Variants in RASGRP2 observed in about 807,000 individuals in gnomAD.
The protein encoded by RASGRP2 is RAS guanyl-releasing protein 2.
RASGRP2 carries 44 observed loss-of-function variants against 71.0 expected under a neutral mutation model. The observed-to-expected ratio is 0.62, with a 90% CI of 0.49 to 0.80. The LOEUF is 0.80. Ranked by LOEUF, RASGRP2 falls within the 30% of genes least tolerant of loss-of-function variation. RASGRP2 has a pLI of 0.00. For missense variants in RASGRP2, 663 were observed against 813.4 expected (o/e 0.82, Z 2.25); for synonymous variants, 350 against 330.7 (o/e 1.06, Z -0.63).
intron 12 of RASGRP2, among the ~76,000 whole-genome samples, chr11:64,732,951 CA>C (rs1253245095): frequency 2.0e-5 from 3 of 149,792 alleles, no homozygotes; most frequent in African/African-American, 7.4e-5. Flanking sequence ...AACTCCGTCT[CA>C]AAAAAAAGGA....
At chr11:64,733,488 G>C (rs959814576) in intron 12 of RASGRP2, among the ~76,000 whole-genome samples, 1 of 151,892 alleles carries the variant, frequency 6.6e-6, no homozygotes, top group East Asian at 1.9e-4. Context: ...TGAGACCGCT[G>C]CATGAAGCTG....
chr11:64,739,789 G>GA lies in RASGRP2; in HGVS notation c.542dup (p.Val182ArgfsTer85). ...TGTCCACAGTGCAGCCATGAGTCAC[G>GA]AAACTGTGATAGTCCTGAAACTGGG... is the stretch of plus-strand genomic sequence containing the variant. On this transcript the variant is annotated frameshift_variant, in exon 7 of 17. Coordinates refer to ENST00000394432, the MANE Select transcript of RASGRP2 (RefSeq NM_001098671.2). LOFTEE classifies it high-confidence loss of function. This position sits in a 1 kb window ranked among gnomAD's most constrained non-coding sequence, Gnocchi z 4.2. The GA allele has an allele frequency of 6.2e-7, 1 of 1,613,902 alleles. No individual in the cohort carries two copies. The highest frequency in any genetic ancestry group is 8.5e-7 in the Non-Finnish European group (1 of 1,179,942).
intron 15 of RASGRP2, 95 bp downstream of exon 15, chr11:64,728,768 T>G: frequency 7.8e-7 from 1 of 1,280,162 alleles, no homozygotes; most frequent in Non-Finnish European, 1.1e-6. Flanking sequence ...AAAAAGAGAA[T>G]TATGCACTTT....
At chr11:64,731,408 G>A (rs920751205) in intron 12 of RASGRP2, among the ~76,000 whole-genome samples, 1 of 151,570 alleles carries the variant, frequency 6.6e-6, no homozygotes, top group Non-Finnish European at 1.5e-5. Context: ...ATCTTGAGGG[G>A]CTGAGGGCCT....
Position 64,739,403 on chromosome 11 carries a change from C to T in RASGRP2, c.770G>A (p.Arg257His), listed in dbSNP as rs745870814. 13 of 1,614,102 alleles carry T rather than the reference C, an allele frequency of 8.1e-6. No homozygotes were observed. Among genetic ancestry groups the T allele is most frequent in the South Asian group, 7.7e-5 (7 of 91,076 alleles). Residue 257 changes from arginine to histidine, a missense_variant, in exon 8 of 17, where the codon CGC becomes CAC. Arg to His is a conservative substitution (Grantham distance 29). Coordinates refer to ENST00000394432, the MANE Select transcript of RASGRP2 (RefSeq NM_001098671.2). The surrounding 1 kb of genome is among the most constrained non-coding windows in gnomAD (Gnocchi z 4.2). ...AACGTGGCTGTGGGTCTCCTTGAGG[C>T]GGGAGATGGAGCTGTGGCTCAGGCC... ...VGGLSHSSIS[R>H]LKETHSHVSP...
rs768669561 is a variant in RASGRP2, at chr11:64,736,770, G to A, written c.1078C>T (p.Leu360=). The A allele has an allele frequency of 1.9e-6, 3 of 1,594,264 alleles. No individual in the cohort carries two copies. Among genetic ancestry groups the A allele is most frequent in the South Asian group, 1.1e-5 (1 of 88,384 alleles). Reference sequence around the variant, plus strand: ...CTCCTCACCGTGAGCAGGCTCAGCAGGTCGGGGTTGGCCTGTACTGGTGGC... The same window carrying A: ...CTCCTCACCGTGAGCAGGCTCAGCAAGTCGGGGTTGGCCTGTACTGGTGGC... ...LRPPVQANPD[L]LSLLTVSLDQ... is the part of the protein sequence containing the mutation. Residue 360 remains leucine (L), a synonymous_variant, in exon 9 of 17, where the codon CTG becomes TTG. Coordinates refer to ENST00000394432, the MANE Select transcript of RASGRP2 (RefSeq NM_001098671.2).
Position 64,743,116 on chromosome 11 carries a change from C to A in RASGRP2, c.-71-179G>T. The A allele has an allele frequency of 2.7e-6, 2 of 731,708 alleles. No homozygotes were observed. The highest frequency in any genetic ancestry group is 3.0e-5 in the South Asian group (2 of 67,644). 45.3% of individuals were successfully genotyped at this position (731,708 alleles called of 1,614,324 possible). ...ATGGTGCAACCCGCCAGTTGGGAAA[C>A]GGACCCGCAGAGAGGCTTCCGGCCC... On this transcript the variant is annotated intron_variant, in intron 1 of 16. Transcript: ENST00000394432. This position sits in a 1 kb window ranked among gnomAD's most constrained non-coding sequence, Gnocchi z 4.9.
In RASGRP2 at chr11:64,740,102, TG is replaced by T. The variant is rs1565516556; in HGVS notation, c.432del (p.Lys145ArgfsTer38). ...AGGTGGTCAAACAACAGGGACATCTTGCGCTTTTTCTGTCCCACAGGGTTCC... is the reference window on the plus strand; with the variant it reads ...AGGTGGTCAAACAACAGGGACATCTTCGCTTTTTCTGTCCCACAGGGTTCC... ...TQRNPVGQKK[R>X]KMSLLFDHLE... On this transcript the variant is annotated frameshift_variant, in exon 6 of 17. Transcript: ENST00000394432. LOFTEE classifies it high-confidence loss of function. 1 of 1,614,142 alleles carries T rather than the reference TG, an allele frequency of 6.2e-7. No individual in the cohort carries two copies. Among genetic ancestry groups the T allele is most frequent in the Non-Finnish European group, 8.5e-7 (1 of 1,180,030 alleles).
rs1179417465 is a variant in RASGRP2 at position 64,739,117 on chromosome 11, C to T, written c.813+243G>A. Among the ~76,000 whole-genome samples the T allele has an allele frequency of 6.8e-6, 1 of 147,488 alleles. No homozygotes were observed. Among genetic ancestry groups the T allele is most frequent in the African/African-American group, 2.5e-5 (1 of 39,614 alleles). On this transcript the variant is annotated intron_variant, in intron 8 of 16. Coordinates refer to ENST00000394432, the MANE Select transcript of RASGRP2 (RefSeq NM_001098671.2). This position sits in a 1 kb window ranked among gnomAD's most constrained non-coding sequence, Gnocchi z 4.2. ...CTGCACCACTGAACTCCAGTCTGGA[C>T]AACAGAGAGAGAGACCCTGTCTTAA...
intron 16 of RASGRP2, 46 bp downstream of exon 16, chr11:64,727,250 C>A (rs376152344): frequency 3.8e-6 from 6 of 1,566,844 alleles, no homozygotes; most frequent in Non-Finnish European, 5.3e-6. Context: ...CAGCTCCCCC[C>A]CAGCCCTCAG....
At chr11:64,730,002 C>T (rs773834027) in intron 13 of RASGRP2, 51 bp downstream of exon 13, 5 of 1,406,076 alleles carry the variant, frequency 3.6e-6, no homozygotes, top group African/African-American at 2.9e-5. Context: ...AGGGCGGGGC[C>T]GGGGCTGGAG....
chr11:64,731,920 T>C (rs2057778139), intron 12 of RASGRP2, among the ~76,000 whole-genome samples: 1 of 152,208 alleles, frequency 6.6e-6, no homozygotes, highest in Non-Finnish European at 1.5e-5. Flanking sequence ...TTGATCCAAT[T>C]ATCCCACTTC....
At chr11:64,740,922 C>A (rs533840067) in intron 5 of RASGRP2, 26 bp downstream of exon 5, 1 of 1,613,526 alleles carries the variant, frequency 6.2e-7, no homozygotes, top group African/African-American at 1.3e-5. Flanking sequence ...AGTGCCCCCC[C>A]AGCCCTCTGT....
At chr11:64,733,395 AACACACACACACACACACACAC>A (rs4014428) in intron 12 of RASGRP2, among the ~76,000 whole-genome samples, 3 of 124,796 alleles carry the variant, frequency 2.4e-5, no homozygotes, top group East Asian at 2.3e-4. Flanking sequence ...CCCCCTCACC[AACACACACACACACACACACAC>A]ACACACACAC....
Position 64,743,011 on chromosome 11 carries a change from C to T in RASGRP2, c.-71-74G>A. 2 of 1,461,760 alleles carry T rather than the reference C, an allele frequency of 1.4e-6. No individual in the cohort carries two copies. The highest frequency in any genetic ancestry group is 1.8e-6 in the Non-Finnish European group (2 of 1,091,158). The allele number at this position is 1,461,760 out of a possible 1,614,324, so 90.5% of individuals were successfully genotyped here. ...AGCGGCCCCGCGGGCAGAAACGGGG[C>T]GGGGCGGGCACGCCCCCTGCTGGAC... is the stretch of plus-strand genomic sequence containing the variant. On this transcript the variant is annotated intron_variant, in intron 1 of 16. Transcript: ENST00000394432. The surrounding 1 kb of genome is among the most constrained non-coding windows in gnomAD (Gnocchi z 4.9).
rs1026033134 is a variant in RASGRP2 at position 64,742,096 on chromosome 11, C to T, written c.90G>A (p.Val30=). Residue 30 remains valine (V), a synonymous_variant, in exon 3 of 17, where the codon GTG becomes GTA. Coordinates refer to ENST00000394432, the MANE Select transcript of RASGRP2 (RefSeq NM_001098671.2). The surrounding 1 kb of genome is among the most constrained non-coding windows in gnomAD (Gnocchi z 4.7). ...ACATGCGCACCAGCTGCGGGTCCCG[C>T]ACCTTCCCGGAGTCATCTGACTCCG... ...CIEAFDDSGK[V]RDPQLVRMFL... The T allele has an allele frequency of 5.6e-6, 9 of 1,599,744 alleles. No homozygotes were observed. The highest frequency in any genetic ancestry group is 1.1e-5 in the South Asian group (1 of 88,834).
In RASGRP2 at chr11:64,743,482, A is replaced by C. The variant is rs779510361; in HGVS notation, c.-72+521T>G. 3 of 349,588 alleles carry C rather than the reference A, an allele frequency of 8.6e-6. No homozygotes were observed. The highest frequency in any genetic ancestry group is 1.7e-5 in the Non-Finnish European group (3 of 177,356). The allele number at this position is 349,588 out of a possible 1,614,324, so 21.7% of individuals were successfully genotyped here. The stretch of plus-strand genomic sequence containing the variant: ...GCGAGGCGGGGCTGCGGCAGCCCCC[A>C]GGGGGCCTGCCCTAGGGGAGGCGGA... On this transcript the variant is annotated intron_variant, in intron 1 of 16. Coordinates refer to ENST00000394432, the MANE Select transcript of RASGRP2 (RefSeq NM_001098671.2). The surrounding 1 kb of genome is among the most constrained non-coding windows in gnomAD (Gnocchi z 4.9).
Position 64,742,722 on chromosome 11 carries a change from C to A in RASGRP2, c.73+72G>T. 2.6e-6 allele frequency: 4 copies of A among 1,549,882 alleles called. No individual in the cohort carries two copies. In the South Asian group the frequency reaches 4.7e-5, roughly 18 times the overall value. ...GGTCAGGGCTGTGCCCTGGACTGTG[C>A]CTGGGAGGCAGGGACCCGGGCTCAG... On this transcript the variant is annotated intron_variant, in intron 2 of 16. Transcript: ENST00000394432. This position sits in a 1 kb window ranked among gnomAD's most constrained non-coding sequence, Gnocchi z 4.7.
intron 12 of RASGRP2, among the ~76,000 whole-genome samples, chr11:64,733,588 C>G (rs1443100030): frequency 6.6e-6 from 1 of 152,124 alleles, no homozygotes; most frequent in Admixed American, 6.6e-5. Flanking sequence ...ACATGGAACT[C>G]AACTACCTCT....
Sources: allele counts gnomAD v4.1 joint callset (sites outside exome capture counted in the v4.1 genomes callset), GRCh38; gene constraint gnomAD v4.1.1; non-coding constraint Gnocchi (gnomAD v3.1); transcripts MANE v1.5; gene names NCBI Gene and HGNC (gene_info 2026-07-23, HGNC 2026-07-21).